The following POLE2 variants were observed in gnomAD, a reference collection of about 807,000 sequenced individuals.
The protein encoded by POLE2 is DNA polymerase epsilon subunit 2.
In POLE2, 56 loss-of-function variants were observed where a neutral mutation model predicts 79.4. The ratio of observed to expected loss-of-function variants is 0.71; its 90% CI spans 0.57 to 0.88. POLE2 has a LOEUF of 0.88. POLE2 is among the 40% of genes least tolerant of loss of function. POLE2 has a pLI of 0.00. For missense variants in POLE2, 598 were observed against 638.9 expected, an observed-to-expected ratio of 0.94 and a Z score of 0.69; for synonymous variants, 212 against 214.0, an observed-to-expected ratio of 0.99 and a Z score of 0.08.
Position 49,674,171 on chromosome 14 carries a change from T to C in POLE2, c.369A>G (p.Pro123=). 1.9e-6 allele frequency: 3 copies of C among 1,613,740 alleles called. No homozygotes were observed. The highest frequency in any genetic ancestry group is 2.5e-6 in the Non-Finnish European group (3 of 1,179,660). ...CACGAAACATCTCTGCTTTATCTCT[T>C]GGTGTTCCAAATAAATTTGGTGCAG... ...NHPAPNLFGT[P]RDKAEMFRER... The change falls in exon 5 of 19, where the codon CCA becomes CCG. Residue 123 remains proline, a synonymous_variant. Transcript: ENST00000216367.
chr14:49,687,305 CACA>C (rs1887221247), intron 1 of POLE2, among the ~76,000 whole-genome samples: 3 of 122,366 alleles, frequency 2.5e-5, no homozygotes, highest in African/African-American at 1.1e-4. Context: ...ACACACCACA[CACA>C]CACACACACA....
chr14:49,652,948 G>T (rs1313500265), intron 15 of POLE2, among the ~76,000 whole-genome samples: 1 of 152,096 alleles, frequency 6.6e-6, no homozygotes, highest in African/African-American at 2.4e-5. Context: ...TAGAGGTATA[G>T]AGAGAGAGCA....
At chr14:49,644,103 C>T (rs1342658939) in intron 18 of POLE2, among the ~76,000 whole-genome samples, 1 of 150,724 alleles carries the variant, frequency 6.6e-6, no homozygotes, top group Non-Finnish European at 1.5e-5. Flanking sequence ...TGGTCTTGAA[C>T]TCCTGACCTC....
chr14:49,666,464 A>C, intron 6 of POLE2, 51 bp from the exon 7 acceptor site: 1 of 766,304 alleles, frequency 1.3e-6, no homozygotes, highest in East Asian at 3.2e-5. Context: ...TTCTTTCAAG[A>C]AACAAAACTT....
At chr14:49,677,655 C>T in intron 3 of POLE2, 1 of 776,924 alleles carries the variant, frequency 1.3e-6, no homozygotes, top group South Asian at 1.9e-5. Flanking sequence ...GTGATATATG[C>T]CACAATGTTT....
At chr14:49,666,549 G>A (rs1044643998) in intron 6 of POLE2, 136 bp from the exon 7 acceptor site, 6 of 439,476 alleles carry the variant, frequency 1.4e-5, no homozygotes, top group Non-Finnish European at 2.4e-5. Flanking sequence ...AAATAAAATG[G>A]AAATAAAGTT....
At chr14:49,667,905 A>T (rs1391198816) in intron 6 of POLE2, among the ~76,000 whole-genome samples, 2 of 152,188 alleles carry the variant, frequency 1.3e-5, no homozygotes, top group African/African-American at 4.8e-5. Context: ...ACAAGAAAAA[A>T]ATAAAAACTT....
chr14:49,645,271 T>C (rs1883683074), intron 18 of POLE2, among the ~76,000 whole-genome samples: 1 of 152,206 alleles, frequency 6.6e-6, no homozygotes, highest in African/African-American at 2.4e-5. Context: ...ATCACCAATA[T>C]TGTGTTTTTA....
chr14:49,658,859 G>A (rs1459248393), intron 10 of POLE2, among the ~76,000 whole-genome samples: 1 of 152,048 alleles, frequency 6.6e-6, no homozygotes, highest in African/African-American at 2.4e-5. Flanking sequence ...TGTATTTACT[G>A]TACTTTTAAT....
intron 3 of POLE2, among the ~76,000 whole-genome samples, chr14:49,676,653 G>A (rs188808407): frequency 2.2e-4 from 34 of 152,348 alleles, no homozygotes; most frequent in Admixed American, 1.9e-3. Context: ...GCCGACCCAG[G>A]CACTGCGCAC....
At chr14:49,675,370 C>T (rs774144916) in intron 3 of POLE2, among the ~76,000 whole-genome samples, 20 of 152,122 alleles carry the variant, frequency 1.3e-4, no homozygotes, top group Non-Finnish European at 2.8e-4. Context: ...AGGCATGAGC[C>T]ACTGCGCCCG....
chr14:49,682,601 CAT>C (rs1477680832), intron 2 of POLE2, among the ~76,000 whole-genome samples: 1 of 132,220 alleles, frequency 7.6e-6, no homozygotes, highest in Non-Finnish European at 1.5e-5. Context: ...AGCACCACTG[CAT>C]TCCAGCCTGG....
At chr14:49,660,824 G>C (rs930449431) in intron 10 of POLE2, among the ~76,000 whole-genome samples, 3 of 152,230 alleles carry the variant, frequency 2.0e-5, no homozygotes, top group Admixed American at 2.0e-4. Flanking sequence ...CCGGGAAGTA[G>C]AGGTTGTGGT....
chr14:49,659,022 T>C (rs112186217), intron 10 of POLE2, among the ~76,000 whole-genome samples: 95 of 152,220 alleles, frequency 6.2e-4, no homozygotes, highest in African/African-American at 2.2e-3. Flanking sequence ...GTGGACAAGA[T>C]GTGGAGATGA....
intron 18 of POLE2, among the ~76,000 whole-genome samples, chr14:49,646,311 T>G (rs80161279): frequency 0.28 from 18,189 of 64,308 alleles, 1,661 homozygotes; most frequent in Admixed American, 0.4. Flanking sequence ...GGTTTTTTTT[T>G]TTTTTTTTTT....
chr14:49,659,507 CAA>C (rs1263649440), intron 10 of POLE2, among the ~76,000 whole-genome samples: 3 of 151,924 alleles, frequency 2.0e-5, no homozygotes, highest in African/African-American at 7.3e-5. Context: ...CTGTTTATTA[CAA>C]AAAGAGTCAA....
intron 6 of POLE2, among the ~76,000 whole-genome samples, chr14:49,669,175 T>C (rs79540023): frequency 0.013 from 1,930 of 152,270 alleles, 47 homozygotes; most frequent in African/African-American, 0.044. Flanking sequence ...AGTTCCTTAG[T>C]GTTATGGTCA....
chr14:49,665,677 GTTT>G (rs762726338), intron 7 of POLE2, among the ~76,000 whole-genome samples: 93 of 132,534 alleles, frequency 7.0e-4, no homozygotes, highest in African/African-American at 2.3e-3. Flanking sequence ...TTTTTTCTGG[GTTT>G]TTTTTTTTTT....
intron 9 of POLE2, among the ~76,000 whole-genome samples, chr14:49,663,709 AT>A (rs1416168023): frequency 1.3e-5 from 2 of 152,190 alleles, no homozygotes; most frequent in Non-Finnish European, 2.9e-5. Flanking sequence ...TATCGTTCAC[AT>A]ACTATACAAT....
Sources: gnomAD v4.1 joint callset for allele counts (sites outside exome capture counted in the v4.1 genomes callset) on GRCh38, gnomAD v4.1.1 for gene constraint, MANE v1.5 for transcripts, NCBI Gene and HGNC (gene_info 2026-07-23, HGNC 2026-07-21) for gene names.